The following RYK variants were observed in gnomAD, a reference collection of about 807,000 sequenced individuals.
RYK encodes the protein receptor like tyrosine kinase.
In RYK, 21 loss-of-function variants were observed where a neutral mutation model predicts 70.2. That is an observed-to-expected ratio of 0.30 (90% CI 0.21 to 0.43). The LOEUF is 0.43. Among genes scored for constraint, RYK ranks in the 20% least tolerant of loss-of-function variants. The pLI is 1.00. For synonymous variants in RYK, 267 were observed against 278.0 expected (o/e 0.96, Z 0.39); for missense variants, 604 against 753.3 (o/e 0.80, Z 2.32).
intron 1 of RYK, among the ~76,000 whole-genome samples, chr3:134,235,944 T>C (rs1295378689): frequency 6.6e-6 from 1 of 151,920 alleles, no homozygotes; most frequent in Admixed American, 6.6e-5. Flanking sequence ...GTGCTATAGT[T>C]AGGAAATTCC....
intron 7 of RYK, among the ~76,000 whole-genome samples, chr3:134,193,888 C>T (rs552747669): frequency 1.3e-5 from 2 of 152,290 alleles, no homozygotes; most frequent in South Asian, 4.1e-4. Context: ...TCCAGGTTAA[C>T]TTGTAGGGGG....
intron 13 of RYK, among the ~76,000 whole-genome samples, chr3:134,163,796 C>A (rs2012563822): frequency 6.6e-6 from 1 of 152,102 alleles, no homozygotes; most frequent in African/African-American, 2.4e-5. Flanking sequence ...CATGGCTAGG[C>A]CTTTCTGTTC....
intron 9 of RYK, 86 bp downstream of exon 9, chr3:134,188,751 A>G (rs2013550645): frequency 2.6e-6 from 2 of 778,662 alleles, no homozygotes; most frequent in East Asian, 5.4e-5. Context: ...TCTGGCACAC[A>G]TTGGGAAACT....
At chr3:134,203,895 G>A (rs928291755) in intron 5 of RYK, among the ~76,000 whole-genome samples, 17 of 152,178 alleles carry the variant, frequency 1.1e-4, no homozygotes, top group Non-Finnish European at 2.1e-4. Flanking sequence ...CTGAGGAACT[G>A]ATGTTTTAAT....
chr3:134,165,742 T>C (rs2012644200), intron 13 of RYK, among the ~76,000 whole-genome samples: 1 of 152,230 alleles, frequency 6.6e-6, no homozygotes, highest in South Asian at 2.1e-4. Flanking sequence ...ATATTGTTTG[T>C]TCGGTTAGGT....
Position 134,175,611 on chromosome 3 carries a change from C to G in RYK, c.1573G>C (p.Val525Leu), listed in dbSNP as rs753088284. Reference protein sequence around the residue: ...VNNEFSSASDVWAFGVTLWEL... With the variant: ...VNNEFSSASDLWAFGVTLWEL... ...TATCTGGGGGTCCCGGCACTTACCA[C>G]ATCACTAGCGCTAGAGAACTCGTTA... is the stretch of plus-strand genomic sequence containing the variant. The change falls in exon 13 of 15, where the codon GTG (valine) becomes CTG (leucine). Residue 525 changes from valine to leucine, a missense_variant and splice_region_variant. Coordinates refer to ENST00000623711, the MANE Select transcript of RYK (RefSeq NM_002958.4). The G allele has an allele frequency of 6.2e-7, 1 of 1,613,508 alleles. No homozygotes were observed. The highest frequency in any genetic ancestry group is 2.2e-5 in the East Asian group (1 of 44,880).
At chr3:134,213,258 G>A (rs558543548) in intron 2 of RYK, among the ~76,000 whole-genome samples, 10 of 152,166 alleles carry the variant, frequency 6.6e-5, no homozygotes, top group Non-Finnish European at 1.5e-4. Flanking sequence ...CAAGAACTGG[G>A]TTTGGAACCA....
chr3:134,177,091 ACAAACCCAAAGTACGAGCTCCTAGCTTTT>A (rs1167532023), intron 11 of RYK, among the ~76,000 whole-genome samples: 1 of 151,808 alleles, frequency 6.6e-6, no homozygotes, highest in East Asian at 1.9e-4. Context: ...AAAACCACAC[ACAAACCCAAAGTACGAGCTCCTAGCTTTT>A]TCTGCTGATG....
intron 10 of RYK, chr3:134,180,196 G>T (rs1323589289): frequency 6.6e-6 from 1 of 152,030 alleles, no homozygotes; most frequent in Non-Finnish European, 1.5e-5. Flanking sequence ...GGCATCTTTG[G>T]GCCAATGAAG....
intron 11 of RYK, among the ~76,000 whole-genome samples, chr3:134,177,160 G>C (rs1044300131): frequency 6.6e-6 from 1 of 152,100 alleles, no homozygotes; most frequent in Non-Finnish European, 1.5e-5. Context: ...CAGTACTTGG[G>C]GCTGAGGAAT....
chr3:134,221,795 G>A (rs2014746832), intron 2 of RYK, among the ~76,000 whole-genome samples: 1 of 152,136 alleles, frequency 6.6e-6, no homozygotes, highest in Non-Finnish European at 1.5e-5. Context: ...GGTACAGGAG[G>A]CACCTCCATG....
At chr3:134,222,560 A>C in intron 1 of RYK, 21 bp from the exon 2 acceptor site, 1 of 1,533,818 alleles carries the variant, frequency 6.5e-7, no homozygotes, top group South Asian at 1.2e-5. Context: ...ATAGGAAAAA[A>C]ATAATTAAAC....
chr3:134,237,463 A>C (rs2015223792), intron 1 of RYK, among the ~76,000 whole-genome samples: 1 of 152,208 alleles, frequency 6.6e-6, no homozygotes, highest in Non-Finnish European at 1.5e-5. Context: ...CTGTCGATAA[A>C]AGTCAACTAC....
chr3:134,170,130 AAG>A (rs1320700186), intron 13 of RYK, among the ~76,000 whole-genome samples: 1 of 152,328 alleles, frequency 6.6e-6, no homozygotes, highest in South Asian at 2.1e-4. Context: ...ATCTAAAGCA[AAG>A]GCGATACATA....
chr3:134,214,478 C>T (rs1260573910), intron 2 of RYK, among the ~76,000 whole-genome samples: 1 of 152,154 alleles, frequency 6.6e-6, no homozygotes, highest in Non-Finnish European at 1.5e-5. Context: ...ATGTTCTCCA[C>T]AGCCCAAGCC....
At chr3:134,211,465 T>C (rs2014390165) in intron 3 of RYK, 43 bp downstream of exon 3, 2 of 1,420,180 alleles carry the variant, frequency 1.4e-6, no homozygotes, top group Non-Finnish European at 2.0e-6. Flanking sequence ...GGGGATGCAG[T>C]TGAAAAAGTA....
At chr3:134,250,371 G>A in intron 1 of RYK, 52 bp downstream of exon 1, 1 of 1,202,234 alleles carries the variant, frequency 8.3e-7, no homozygotes, top group Non-Finnish European at 1.1e-6. Context: ...GCGGCCGGAA[G>A]CTGCCCCAGC....
At chr3:134,206,342 C>T (rs2014212183) in intron 5 of RYK, among the ~76,000 whole-genome samples, 1 of 152,116 alleles carries the variant, frequency 6.6e-6, no homozygotes, top group African/African-American at 2.4e-5. Flanking sequence ...AACAAACAAA[C>T]ATGTTCAATG....
At chr3:134,164,848 G>A (rs530612926) in intron 13 of RYK, among the ~76,000 whole-genome samples, 8 of 152,186 alleles carry the variant, frequency 5.3e-5, no homozygotes, top group African/African-American at 1.4e-4. Flanking sequence ...TTACATTCCT[G>A]CCAGCAGTGT....
Sources: gnomAD v4.1 joint callset for allele counts (sites outside exome capture counted in the v4.1 genomes callset) on GRCh38, gnomAD v4.1.1 for gene constraint, MANE v1.5 for transcripts, NCBI Gene and HGNC (gene_info 2026-07-23, HGNC 2026-07-21) for gene names.